Variants in DAB1 observed in about 807,000 individuals in gnomAD.
DAB1 encodes DAB adaptor protein 1, also known as disabled homolog 1.
DAB1 carries 15 observed loss-of-function variants against 64.6 expected under a neutral mutation model. That is an observed-to-expected ratio of 0.23 (90% CI 0.16 to 0.36). The LOEUF is 0.36. DAB1 is among the 10% of genes least tolerant of loss of function. The pLI is 1.00. For missense variants in DAB1, 596 were observed against 706.7 expected (o/e 0.84, Z 1.78); for synonymous variants, 235 against 251.9 (o/e 0.93, Z 0.64).
At chr1:57,942,618 T>C (rs954719914) in intron 5 of DAB1, among the ~76,000 whole-genome samples, 5 of 152,194 alleles carry the variant, frequency 3.3e-5, no homozygotes, top group African/African-American at 1.2e-4. Context: ...GCTACTTGCC[T>C]TCTACTTCCT....
At chr1:58,065,528 T>C (rs1258839737) in intron 5 of DAB1, among the ~76,000 whole-genome samples, 2 of 152,080 alleles carry the variant, frequency 1.3e-5, no homozygotes, top group African/African-American at 4.8e-5. Context: ...CAAATTCAGT[T>C]CATGACAGAC....
chr1:58,069,263 G>C (rs1649074218), intron 5 of DAB1, among the ~76,000 whole-genome samples: 1 of 152,024 alleles, frequency 6.6e-6, no homozygotes, highest in African/African-American at 2.4e-5. Context: ...ACTGTTTTAG[G>C]TGCTCACCAA....
intron 6 of DAB1, among the ~76,000 whole-genome samples, chr1:57,685,309 C>CA (rs1170169557): frequency 2.6e-5 from 4 of 151,116 alleles, no homozygotes; most frequent in East Asian, 1.9e-4. Context: ...CTATTAAGAA[C>CA]AAAAAAATGG....
chr1:57,313,251 C>T (rs1418625896), intron 1 of DAB1, among the ~76,000 whole-genome samples: 1 of 152,138 alleles, frequency 6.6e-6, no homozygotes, highest in Non-Finnish European at 1.5e-5. Context: ...CTTTGCCCAT[C>T]TCTCCTGCAC....
At chr1:58,147,981 GA>G (rs1654704516) in intron 5 of DAB1, among the ~76,000 whole-genome samples, 1 of 62,824 alleles carries the variant, frequency 1.6e-5, no homozygotes, top group Non-Finnish European at 2.6e-5. Flanking sequence ...ACTATAGCTG[GA>G]GAAAAAAAAA....
At chr1:57,218,533 A>AAAAAAAAAAAC (rs553582970) in intron 2 of DAB1, among the ~76,000 whole-genome samples, 1 of 146,168 alleles carries the variant, frequency 6.8e-6, no homozygotes, top group Non-Finnish European at 1.5e-5. Flanking sequence ...AAAAAAAAAA[A>AAAAAAAAAAAC]AAAAAAAAAA....
chr1:58,362,219 C>G (rs190903411), intron 3 of DAB1, among the ~76,000 whole-genome samples: 1 of 152,202 alleles, frequency 6.6e-6, no homozygotes, highest in Admixed American at 6.5e-5. Flanking sequence ...ATTCCCTGGC[C>G]CTGGACACAG....
chr1:57,579,165 G>A (rs1645283907), intron 7 of DAB1, among the ~76,000 whole-genome samples: 1 of 152,182 alleles, frequency 6.6e-6, no homozygotes, highest in South Asian at 2.1e-4. Context: ...AGGAATAACT[G>A]GGTGTTTAAT....
chr1:57,052,351 A>G (rs1035123838), intron 9 of DAB1, among the ~76,000 whole-genome samples: 3 of 152,222 alleles, frequency 2.0e-5, no homozygotes, highest in African/African-American at 7.2e-5. Context: ...ATTTTCTCCC[A>G]GGATATCTCC....
chr1:57,227,551 G>GTGTGTGTT (rs1667366804), intron 2 of DAB1, among the ~76,000 whole-genome samples: 2 of 148,858 alleles, frequency 1.3e-5, no homozygotes, highest in South Asian at 4.2e-4. Context: ...GTGTGTGTGT[G>GTGTGTGTT]TGTGTGTGTG....
chr1:57,946,413 T>C (rs1332620050), intron 5 of DAB1, among the ~76,000 whole-genome samples: 1 of 152,178 alleles, frequency 6.6e-6, no homozygotes, highest in Non-Finnish European at 1.5e-5. Flanking sequence ...GGCCACAAAT[T>C]GCACAAAAAT....
chr1:57,316,353 T>C (rs547650006), intron 1 of DAB1, among the ~76,000 whole-genome samples: 2 of 152,334 alleles, frequency 1.3e-5, no homozygotes, highest in African/African-American at 4.8e-5. Flanking sequence ...TGCATTTTAT[T>C]TGCAGCACTT....
At chr1:57,108,390 T>C (rs1350453691) in intron 4 of DAB1, among the ~76,000 whole-genome samples, 1 of 152,196 alleles carries the variant, frequency 6.6e-6, no homozygotes, top group Non-Finnish European at 1.5e-5. Flanking sequence ...GAACACGTTT[T>C]CTCTGCTCCA....
At position 57,990,919 on chromosome 1, in the gene DAB1, C is replaced by G. The variant is rs555026952; in HGVS notation, n.388-106757G>C. On this transcript the variant is annotated intron_variant and non_coding_transcript_variant, in intron 5 of 20. Coordinates refer to the DAB1 transcript ENST00000485760. Reference sequence around the variant, plus strand: ...CAGGCCTCACCCCAGGCTGTTTGGACACCAGGAGTCATAGCACTCTTCCAG... The same window carrying G: ...CAGGCCTCACCCCAGGCTGTTTGGAGACCAGGAGTCATAGCACTCTTCCAG... Among the ~76,000 whole-genome samples the G allele has an allele frequency of 2.6e-5, 4 of 152,168 alleles. No individual in the cohort carries two copies. The East Asian group carries it at 5.8e-4, about 22-fold the overall frequency.
chr1:58,087,671 A>G (rs184556835), intron 5 of DAB1, among the ~76,000 whole-genome samples: 21 of 152,312 alleles, frequency 1.4e-4, no homozygotes, highest in African/African-American at 4.6e-4. Flanking sequence ...GCAGAATAGG[A>G]AGTTTGCTCT....
At chr1:57,908,525 T>C (rs575582350) in intron 5 of DAB1, among the ~76,000 whole-genome samples, 23 of 152,280 alleles carry the variant, frequency 1.5e-4, no homozygotes, top group African/African-American at 5.1e-4. Flanking sequence ...TTACTGACAC[T>C]AATTAGTGGC....
chr1:57,633,353 G>A (rs76894446), intron 7 of DAB1, among the ~76,000 whole-genome samples: 1,664 of 152,322 alleles, frequency 0.011, 28 homozygotes, highest in African/African-American at 0.038. Flanking sequence ...AAGTGGCTTC[G>A]GGATGAAGCC....
At chr1:57,053,596 G>A (rs1405245779) in intron 9 of DAB1, among the ~76,000 whole-genome samples, 3 of 145,452 alleles carry the variant, frequency 2.1e-5, no homozygotes, top group African/African-American at 7.7e-5. Flanking sequence ...TGATCAATTC[G>A]ACAATCTCTG....
chr1:57,216,138 T>C (rs1158809813), intron 2 of DAB1, among the ~76,000 whole-genome samples: 2 of 152,146 alleles, frequency 1.3e-5, no homozygotes, highest in Non-Finnish European at 1.5e-5. Flanking sequence ...CAGTGACAAA[T>C]CATGGCCTTT....
Sources: gnomAD v4.1 joint callset for allele counts (sites outside exome capture counted in the v4.1 genomes callset) on GRCh38, gnomAD v4.1.1 for gene constraint, MANE v1.5 for transcripts, NCBI Gene and HGNC (gene_info 2026-07-23, HGNC 2026-07-21) for gene names.